ALG13: variants seen among roughly 807,000 people sequenced by gnomAD.
The protein encoded by ALG13 is ALG13 UDP-N-acetylglucosaminyltransferase subunit.
A neutral mutation model predicts 87.8 loss-of-function variants in ALG13; 11 were observed. That is an observed-to-expected ratio of 0.13 (90% CI 0.08 to 0.21). The LOEUF (loss-of-function observed/expected upper bound fraction) is 0.21. Among genes scored for constraint, ALG13 ranks in the 10% least tolerant of loss-of-function variants. ALG13 has a pLI of 1.00. For missense variants in ALG13, 756 were observed against 866.1 expected (o/e 0.87, Z 1.60); for synonymous variants, 320 against 306.3 (o/e 1.04, Z -0.47).
intron 23 of ALG13, 145 bp downstream of exon 23, chrX:111,737,024 G>T: frequency 4.0e-6 from 2 of 497,429 alleles, no homozygotes; most frequent in Non-Finnish European, 3.0e-6. Flanking sequence ...CTGCCATTGA[G>T]GAATCCATGA....
chrX:111,739,522 A>G (rs181493690), intron 23 of ALG13, among the ~76,000 whole-genome samples: 1 of 112,906 alleles, frequency 8.9e-6, no homozygotes, highest in African/African-American at 3.2e-5. Context: ...AAAAGTCCTA[A>G]GTATCTAAGA....
At chrX:111,706,311 G>C (rs773517791) in intron 3 of ALG13, among the ~76,000 whole-genome samples, 1 of 112,885 alleles carries the variant, frequency 8.9e-6, no homozygotes, top group Non-Finnish European at 1.9e-5. Context: ...TCACAGGCGT[G>C]AGCCATTGTG....
At chrX:111,756,987 A>G (rs1343183406) in intron 25 of ALG13, among the ~76,000 whole-genome samples, 4 of 112,082 alleles carry the variant, frequency 3.6e-5, no homozygotes, top group East Asian at 5.6e-4. Flanking sequence ...ATAGAATACC[A>G]GGAGATGCTG....
rs774362566 is a variant in ALG13 at position 111,720,944 on chromosome X, A to G, written c.1327-659A>G. Among the ~76,000 whole-genome samples, 8 of 109,992 alleles carry G rather than the reference A, an allele frequency of 7.3e-5. No individual in the cohort carries two copies. In the South Asian group the frequency reaches 2.7e-3, roughly 38 times the overall value. ...GTTTAGACATTATTTCCCTTCTGCC[A>G]TCTAAAACCTTTTAGATTACTTGCA... On this transcript the variant is annotated intron_variant, in intron 11 of 26. Transcript: ENST00000394780.
chrX:111,718,627 CTG>C (rs781458744), intron 10 of ALG13, among the ~76,000 whole-genome samples: 1 of 112,217 alleles, frequency 8.9e-6, no homozygotes, highest in East Asian at 2.8e-4. Flanking sequence ...GACCAGGAAT[CTG>C]TTTTTTAAAC....
At chrX:111,759,602 T>G in intron 26 of ALG13, 132 bp from the exon 27 acceptor site, 2 of 496,246 alleles carry the variant, frequency 4.0e-6, no homozygotes, top group South Asian at 8.0e-5. Context: ...AAAGTGCTCC[T>G]GCTGCAATTG....
chrX:111,707,927 A>G (rs1452258403), intron 3 of ALG13, 100 bp from the exon 4 acceptor site: 2 of 920,891 alleles, frequency 2.2e-6, no homozygotes, highest in East Asian at 6.6e-5. Context: ...CTCTTTCCCA[A>G]GGAGGTAACT....
chrX:111,749,971 T>C (rs1466342036), intron 24 of ALG13, among the ~76,000 whole-genome samples: 1 of 111,654 alleles, frequency 9.0e-6, no homozygotes, highest in Non-Finnish European at 1.9e-5. Context: ...TTGTGTCTGT[T>C]CCTAGCTCAG....
intron 25 of ALG13, among the ~76,000 whole-genome samples, chrX:111,756,379 C>G (rs746632859): frequency 1.6e-4 from 18 of 111,484 alleles, no homozygotes; most frequent in African/African-American, 5.9e-4. Flanking sequence ...CCTGCATGTT[C>G]TGCATGTGTA....
intron 4 of ALG13, 81 bp downstream of exon 4, chrX:111,708,474 C>A: frequency 9.3e-7 from 1 of 1,073,897 alleles, no homozygotes. Context: ...CCAGAAGAAA[C>A]AAAAAAATTC....
chrX:111,683,006 T>C (rs943278643), intron 2 of ALG13, among the ~76,000 whole-genome samples: 7 of 110,689 alleles, frequency 6.3e-5, no homozygotes, highest in Non-Finnish European at 5.7e-5. Context: ...TTTTTTCCTT[T>C]CTTTTTTTTT....
chrX:111,708,863 T>A, intron 4 of ALG13, 102 bp from the exon 5 acceptor site: 1 of 502,928 alleles, frequency 2.0e-6, no homozygotes, highest in East Asian at 4.4e-5. Context: ...CCTACATATG[T>A]TCTGAATAAG....
chrX:111,738,847 G>GAA lies in ALG13; in HGVS notation c.2695+1980_2695+1981dup, dbSNP rs375076331. 8.0e-3 allele frequency among the ~76,000 whole-genome samples: 248 copies of GAA among 30,984 alleles called. 3 individuals are homozygous for GAA. Among genetic ancestry groups the GAA allele is most frequent in the African/African-American group, 0.028 (228 of 8,172 alleles). The allele number at this position is 30,984 out of a possible 115,157, so 26.9% of individuals were successfully genotyped here. On this transcript the variant is annotated intron_variant, in intron 23 of 26. Transcript: ENST00000394780. ...CCACCACACCCGGCCATAAACTTTA[G>GAA]AAAAAAAAAAAAATGTAAGAAGAGG... is the stretch of plus-strand genomic sequence containing the variant.
chrX:111,712,458 A>T (rs1230064733), intron 6 of ALG13, 26 bp from the exon 7 acceptor site: 2 of 1,113,232 alleles, frequency 1.8e-6, no homozygotes, highest in Admixed American at 5.5e-5. Flanking sequence ...ATGTTTTTTA[A>T]AACTCAATAC....
rs1362018337 is a variant in ALG13, at chrX:111,709,700, A to G, written c.834+652A>G. ...GCTTCCTTTTCTTTTTTTTTTTTTT[A>G]AACACTTCTGGCCCTTGCAGTGCTA... On this transcript the variant is annotated intron_variant, in intron 5 of 26. Transcript: ENST00000394780. 7.8e-4 allele frequency among the ~76,000 whole-genome samples: 80 copies of G among 103,130 alleles called. 6 individuals are homozygous for G. Among genetic ancestry groups the G allele is most frequent in the Non-Finnish European group, 5.8e-5 (3 of 51,685 alleles). The allele number at this position is 103,130 out of a possible 115,157, so 89.6% of individuals were successfully genotyped here.
chrX:111,722,689 G>T, intron 12 of ALG13, 104 bp from the exon 13 acceptor site: 2 of 533,855 alleles, frequency 3.7e-6, no homozygotes, highest in South Asian at 5.8e-5. Flanking sequence ...CACTTATAGT[G>T]GTAGCGTTGT....
chrX:111,726,241 T>G (rs1413474391), intron 15 of ALG13, among the ~76,000 whole-genome samples: 223 of 98,203 alleles, frequency 2.3e-3, no homozygotes, highest in African/African-American at 4.5e-3. Context: ...TGTTTTTTTT[T>G]TTTTTTTTTT....
chrX:111,708,431 A>G, intron 4 of ALG13, 38 bp downstream of exon 4: 1 of 1,175,163 alleles, frequency 8.5e-7, no homozygotes, highest in South Asian at 2.0e-5. Flanking sequence ...CTGAGTTTTC[A>G]GAGTTTGAGA....
chrX:111,704,538 G>A (rs1022100950), intron 3 of ALG13, among the ~76,000 whole-genome samples: 3 of 111,946 alleles, frequency 2.7e-5, no homozygotes, highest in Non-Finnish European at 5.6e-5. Flanking sequence ...TCCAACATGG[G>A]TGGACTTTGA....
Sources: gnomAD v4.1 joint callset for allele counts (sites outside exome capture counted in the v4.1 genomes callset) on GRCh38, gnomAD v4.1.1 for gene constraint, MANE v1.5 for transcripts, NCBI Gene and HGNC (gene_info 2026-07-23, HGNC 2026-07-21) for gene names.